ENTREP2: variants seen among roughly 807,000 people sequenced by gnomAD.
The protein encoded by ENTREP2 is protein ENTREP2.
the ENTREP2 span, among the ~76,000 whole-genome samples, chr15:29,562,622 A>C: frequency 6.6e-6 from 1 of 152,202 alleles, no homozygotes; most frequent in Admixed American, 6.5e-5. Context: ...TTTCCAGAAA[A>C]CAATATTAAG....
chr15:29,503,260 C>T, the ENTREP2 span, among the ~76,000 whole-genome samples: 1 of 152,008 alleles, frequency 6.6e-6, no homozygotes, highest in African/African-American at 2.4e-5. Flanking sequence ...TCATTTTCCA[C>T]AAAAAGGAAG....
chr15:29,159,243 G>A, the ENTREP2 span, among the ~76,000 whole-genome samples: 3 of 151,974 alleles, frequency 2.0e-5, no homozygotes, highest in Non-Finnish European at 4.4e-5. Flanking sequence ...CGCGGTGAGT[G>A]TTACAGCTCT....
the ENTREP2 span, among the ~76,000 whole-genome samples, chr15:29,425,953 C>T: frequency 6.6e-6 from 1 of 150,852 alleles, no homozygotes; most frequent in Non-Finnish European, 1.5e-5. Flanking sequence ...TATACCAATG[C>T]TTCCTGTTTA....
the ENTREP2 span, among the ~76,000 whole-genome samples, chr15:29,647,747 C>G: frequency 6.6e-6 from 1 of 152,170 alleles, no homozygotes; most frequent in African/African-American, 2.4e-5. Context: ...TCATATATAC[C>G]TCTCCCGGAA....
chr15:29,333,079 G>A, the ENTREP2 span, among the ~76,000 whole-genome samples: 4 of 151,962 alleles, frequency 2.6e-5, no homozygotes, highest in Non-Finnish European at 4.4e-5. Flanking sequence ...GGGGAGGTCC[G>A]AAAATGCCCC....
At chr15:29,635,366 A>G in the ENTREP2 span, among the ~76,000 whole-genome samples, 1 of 152,124 alleles carries the variant, frequency 6.6e-6, no homozygotes, top group African/African-American at 2.4e-5. Flanking sequence ...TTCAAGAGTC[A>G]TGTGCCAGGA....
At chr15:29,330,947 C>G in the ENTREP2 span, among the ~76,000 whole-genome samples, 1 of 152,098 alleles carries the variant, frequency 6.6e-6, no homozygotes, top group Non-Finnish European at 1.5e-5. Context: ...CAACCACACC[C>G]CACCCCACAG....
chr15:29,336,116 T>C, the ENTREP2 span, among the ~76,000 whole-genome samples: 47 of 110,422 alleles, frequency 4.3e-4, no homozygotes, highest in African/African-American at 1.6e-3. Flanking sequence ...CAATCCAGCC[T>C]GGGCGACAGA....
chr15:29,380,945 G>T, the ENTREP2 span, among the ~76,000 whole-genome samples: 1 of 149,312 alleles, frequency 6.7e-6, no homozygotes, highest in African/African-American at 2.5e-5. Flanking sequence ...TCTACCTCCC[G>T]GGTTCAAGCA....
the ENTREP2 span, among the ~76,000 whole-genome samples, chr15:29,634,808 T>A: frequency 3.9e-5 from 6 of 152,182 alleles, no homozygotes; most frequent in Admixed American, 3.9e-4. Flanking sequence ...AGGGGAACAC[T>A]TAACTTACCT....
chr15:29,289,551 A>G, the ENTREP2 span, among the ~76,000 whole-genome samples: 3 of 152,144 alleles, frequency 2.0e-5, no homozygotes, highest in Non-Finnish European at 4.4e-5. Context: ...GTGCACAAAA[A>G]GATTTGATAT....
chr15:29,133,017 G>A, the ENTREP2 span, among the ~76,000 whole-genome samples: 168 of 152,262 alleles, frequency 1.1e-3, 2 homozygotes, highest in African/African-American at 3.9e-3. Context: ...CACCCCTGCC[G>A]CCTTCAGGGG....
chr15:29,193,635 C>A, the ENTREP2 span, among the ~76,000 whole-genome samples: 1 of 152,188 alleles, frequency 6.6e-6, no homozygotes, highest in Non-Finnish European at 1.5e-5. Context: ...GTGAGCAATT[C>A]TTTCAATAAA....
chr15:29,589,622 A>T, the ENTREP2 span, among the ~76,000 whole-genome samples: 1 of 152,110 alleles, frequency 6.6e-6, no homozygotes, highest in Non-Finnish European at 1.5e-5. Context: ...TCCCTCCGCT[A>T]CCTCTGCAGC....
the ENTREP2 span, among the ~76,000 whole-genome samples, chr15:29,325,654 C>T: frequency 8.6e-5 from 13 of 151,888 alleles, no homozygotes; most frequent in African/African-American, 2.7e-4. Flanking sequence ...ATTTCACTGA[C>T]GAATCCTACT....
chr15:29,200,374 C>T, the ENTREP2 span, among the ~76,000 whole-genome samples: 1 of 152,066 alleles, frequency 6.6e-6, no homozygotes, highest in Non-Finnish European at 1.5e-5. Flanking sequence ...CAAGGTTTTG[C>T]CATGTTGGCC....
chr15:29,613,410 C>T, the ENTREP2 span: 2 of 455,586 alleles, frequency 4.4e-6, no homozygotes, highest in Non-Finnish European at 8.9e-6. Context: ...CTGTGACTGC[C>T]TTCAGGGCTT....
At chr15:29,496,115 G>A in the ENTREP2 span, among the ~76,000 whole-genome samples, 1 of 151,734 alleles carries the variant, frequency 6.6e-6, no homozygotes, top group Non-Finnish European at 1.5e-5. Flanking sequence ...TATAGATCTT[G>A]CATCTCCTTA....
the ENTREP2 span, among the ~76,000 whole-genome samples, chr15:29,519,140 T>TTCTC: frequency 0.032 from 4,726 of 149,358 alleles, 216 homozygotes; most frequent in African/African-American, 0.11. Context: ...ATACACCTCT[T>TTCTC]TCTCTCTCTC....
Sources: allele counts gnomAD v4.1 joint callset (sites outside exome capture counted in the v4.1 genomes callset), GRCh38; gene constraint gnomAD v4.1.1; transcripts MANE v1.5; gene names NCBI Gene and HGNC (gene_info 2026-07-23, HGNC 2026-07-21).